DLG2: variants seen among roughly 807,000 people sequenced by gnomAD.
DLG2 encodes discs large MAGUK scaffold protein 2, also known as disks large homolog 2.
Under a neutral mutation model 132.5 loss-of-function variants are expected in DLG2, and 45 were observed. The observed-to-expected ratio is 0.34, with a 90% CI of 0.27 to 0.44. DLG2 has a LOEUF of 0.44. DLG2 is among the 20% of genes least tolerant of loss of function. DLG2 has a pLI of 1.00. For synonymous variants in DLG2, 424 were observed against 419.6 expected, an observed-to-expected ratio of 1.01 and a Z score of -0.13; for missense variants, 1,045 against 1,196.9, an observed-to-expected ratio of 0.87 and a Z score of 1.87.
At chr11:85,455,026 A>T (rs2092375104) in intron 3 of DLG2, among the ~76,000 whole-genome samples, 1 of 152,108 alleles carries the variant, frequency 6.6e-6, no homozygotes, top group East Asian at 1.9e-4. Flanking sequence ...GCTCTACATA[A>T]ATTTTAGAAT....
At chr11:84,302,990 G>A (rs965889139) in intron 7 of DLG2, among the ~76,000 whole-genome samples, 11 of 151,982 alleles carry the variant, frequency 7.2e-5, no homozygotes, top group Admixed American at 4.6e-4. Context: ...CCATGGTGGC[G>A]TGTGCCTGTA....
At chr11:84,230,873 T>C (rs2097082420) in intron 8 of DLG2, among the ~76,000 whole-genome samples, 1 of 152,184 alleles carries the variant, frequency 6.6e-6, no homozygotes, top group African/African-American at 2.4e-5. Flanking sequence ...TATAGCAGTA[T>C]TGGTTATAGT....
At chr11:84,648,649 A>C (rs2099677755) in intron 6 of DLG2, among the ~76,000 whole-genome samples, 1 of 151,990 alleles carries the variant, frequency 6.6e-6, no homozygotes, top group Admixed American at 6.6e-5. Context: ...GTGAGTTCTC[A>C]TTCTTAGTTC....
At chr11:84,776,302 C>T (rs919614512) in intron 6 of DLG2, among the ~76,000 whole-genome samples, 4 of 152,066 alleles carry the variant, frequency 2.6e-5, no homozygotes, top group African/African-American at 7.2e-5. Context: ...CAGGCACACA[C>T]GACCATGCCT....
intron 3 of DLG2, among the ~76,000 whole-genome samples, chr11:85,410,759 A>G (rs183781324): frequency 6.6e-6 from 1 of 152,034 alleles, no homozygotes; most frequent in Admixed American, 6.6e-5. Context: ...ACACTATGGT[A>G]TAGTAAGTGA....
Position 85,285,343 on chromosome 11 carries a change from C to T in DLG2, c.63G>A (p.Val21=), listed in dbSNP as rs768548730. 4 of 1,610,846 alleles carry T rather than the reference C, an allele frequency of 2.5e-6. No homozygotes were observed. In the African/African-American group the frequency reaches 4.0e-5, roughly 16 times the overall value. ...AACTTTTTTGAGAATTTAGCAATGT[C>T]ACCTCATAAAATTCTTGGATATCTG... ...ALLDIQEFYE[V]TLLNSQKSCE... The change falls in exon 4 of 28, where the codon GTG becomes GTA. Residue 21 remains valine, a synonymous_variant. Transcript: ENST00000376104.
intron 8 of DLG2, among the ~76,000 whole-genome samples, chr11:84,214,633 T>A (rs1445075737): frequency 6.6e-6 from 1 of 152,138 alleles, no homozygotes; most frequent in African/African-American, 2.4e-5. Flanking sequence ...AAAAAGTATG[T>A]GTCAAATGAA....
At chr11:85,418,909 T>A (rs1182749541) in intron 3 of DLG2, among the ~76,000 whole-genome samples, 1 of 152,234 alleles carries the variant, frequency 6.6e-6, no homozygotes, top group African/African-American at 2.4e-5. Flanking sequence ...TGTCTTTTAA[T>A]TGGGGCATTT....
chr11:85,064,748 T>G lies in DLG2; in HGVS notation c.357+46913A>C, dbSNP rs576020995. Among the ~76,000 whole-genome samples the G allele has an allele frequency of 2.4e-4, 36 of 151,766 alleles. No homozygotes were observed. The East Asian group carries it at 6.6e-3, about 28-fold the overall frequency. ...TAACTCTAATTAAAACAGATTACCC[T>G]TCATAATATGGATGGGTCTTATCCA... On this transcript the variant is annotated intron_variant, in intron 6 of 27. Transcript: ENST00000376104.
chr11:83,508,966 G>T (rs1053292198), intron 21 of DLG2, among the ~76,000 whole-genome samples: 1 of 152,244 alleles, frequency 6.6e-6, no homozygotes, highest in African/African-American at 2.4e-5. Flanking sequence ...GTTGTCTGCA[G>T]TAGAGGAACA....
intron 6 of DLG2, among the ~76,000 whole-genome samples, chr11:84,770,679 C>T (rs560793276): frequency 2.1e-5 from 3 of 145,218 alleles, no homozygotes; most frequent in South Asian, 2.2e-4. Context: ...CTTGCTCTGT[C>T]GCTCAGGCTG....
chr11:84,313,871 G>A (rs1265420782), intron 7 of DLG2, among the ~76,000 whole-genome samples: 1 of 152,036 alleles, frequency 6.6e-6, no homozygotes, highest in Non-Finnish European at 1.5e-5. Flanking sequence ...GTACATTTTG[G>A]AACGCACTTT....
rs1356120918 is a variant in DLG2 at position 84,832,422 on chromosome 11, C to A, written c.357+279239G>T. On this transcript the variant is annotated intron_variant, in intron 6 of 27. Transcript: ENST00000376104. ...ACAAAAGCCTGGTGCTTCTAGAAAT[C>A]TTAGGAGTGGCCTTTCTTGACTTCC... Among the ~76,000 whole-genome samples the A allele has an allele frequency of 2.0e-5, 3 of 151,598 alleles. No homozygotes were observed. In the East Asian group the frequency reaches 5.9e-4, roughly 30 times the overall value.
At chr11:85,002,489 A>T (rs189688555) in intron 6 of DLG2, among the ~76,000 whole-genome samples, 1 of 152,168 alleles carries the variant, frequency 6.6e-6, no homozygotes, top group Non-Finnish European at 1.5e-5. Context: ...GAGGTCTACA[A>T]TCTCTCCATG....
intron 7 of DLG2, among the ~76,000 whole-genome samples, chr11:84,487,474 G>C (rs899194761): frequency 6.6e-6 from 1 of 152,090 alleles, no homozygotes; most frequent in African/African-American, 2.4e-5. Context: ...AGGGGAAAGA[G>C]TCAGATGTAT....
At chr11:84,493,421 A>T (rs1217996985) in intron 7 of DLG2, among the ~76,000 whole-genome samples, 2 of 151,992 alleles carry the variant, frequency 1.3e-5, no homozygotes, top group African/African-American at 4.8e-5. Context: ...AGTCACCCAT[A>T]AACTCTCTCC....
At chr11:85,132,319 A>G (rs896977507) in intron 5 of DLG2, among the ~76,000 whole-genome samples, 3 of 152,338 alleles carry the variant, frequency 2.0e-5, no homozygotes, top group Admixed American at 2.0e-4. Flanking sequence ...AATCAGAAGC[A>G]ATATGTCAAG....
chr11:85,559,818 T>TA lies in DLG2; in HGVS notation c.40+38838_40+38839insT, dbSNP rs2077133551. The stretch of plus-strand genomic sequence containing the variant: ...GATAGATGGTGATTAGTTAGATGAT[T>TA]GATAGATAGATAGATAGATAGATAG... On this transcript the variant is annotated intron_variant, in intron 3 of 27. Transcript: ENST00000376104. 8.3e-5 allele frequency among the ~76,000 whole-genome samples: 12 copies of TA among 144,328 alleles called. 1 individual carries two copies. The highest frequency in any genetic ancestry group is 6.5e-4 in the South Asian group (3 of 4,606). The allele number at this position is 144,328 out of a possible 152,430, so 94.7% of individuals were successfully genotyped here.
At chr11:83,676,208 C>G (rs2077661178) in intron 18 of DLG2, among the ~76,000 whole-genome samples, 1 of 152,164 alleles carries the variant, frequency 6.6e-6, no homozygotes, top group African/African-American at 2.4e-5. Context: ...GGATCTCTTT[C>G]TAGCTGGATG....
Sources: allele counts gnomAD v4.1 joint callset (sites outside exome capture counted in the v4.1 genomes callset), GRCh38; gene constraint gnomAD v4.1.1; transcripts MANE v1.5; gene names NCBI Gene and HGNC (gene_info 2026-07-23, HGNC 2026-07-21).